The following NQO1 variants were observed in gnomAD, a reference collection of about 807,000 sequenced individuals.
NQO1 encodes the protein NAD(P)H quinone dehydrogenase 1.
A neutral mutation model predicts 32.1 loss-of-function variants in NQO1; 30 were observed. That is an observed-to-expected ratio of 0.94 (90% CI 0.70 to 1.27). The LOEUF is 1.27. NQO1 is among the 50% of genes most tolerant of loss of function. NQO1 has a pLI of 0.00. For synonymous variants in NQO1, 109 were observed against 119.7 expected (o/e 0.91, Z 0.59); for missense variants, 276 against 331.3 (o/e 0.83, Z 1.30).
Position 69,710,033 on chromosome 16 carries a change from AAAGTAG to A in NQO1, c.*937_*942del. The A allele has an allele frequency of 5.6e-6, 2 of 354,870 alleles. No individual in the cohort carries two copies. Among genetic ancestry groups the A allele is most frequent in the Non-Finnish European group, 1.0e-5 (2 of 199,124 alleles). The allele number at this position is 354,870 out of a possible 1,614,324, so 22.0% of individuals were successfully genotyped here. A position where few individuals can be genotyped will look rare whatever the true frequency, so the allele number is the denominator to read the frequency against. On this transcript the variant is annotated 3_prime_UTR_variant, in exon 6 of 6. Coordinates refer to ENST00000320623, the MANE Select transcript of NQO1 (RefSeq NM_000903.3). ...TTATTGGTTTATCTCTGCAAACCTT[AAAGTAG>A]AAGATTGCAAGGGCCAGGTGTGGTG...
At chr16:69,718,580 C>T (rs1013458911) in intron 1 of NQO1, 46 bp from the exon 2 acceptor site, 1 of 1,594,310 alleles carries the variant, frequency 6.3e-7, no homozygotes, top group African/African-American at 1.3e-5. Context: ...CATTACCAAC[C>T]AGCAAACCTT....
In NQO1 at chr16:69,710,909, G is replaced by C. The variant is rs994796572; in HGVS notation, c.*67C>G. On this transcript the variant is annotated 3_prime_UTR_variant, in exon 6 of 6. Coordinates refer to ENST00000320623, the MANE Select transcript of NQO1 (RefSeq NM_000903.3). ...ACACAAATCTTAAAAACTAAAGCAA[G>C]TCAGGGAAGCCTGGAAAGATACCCA... is the stretch of plus-strand genomic sequence containing the variant. 6.0e-6 allele frequency: 9 copies of C among 1,494,548 alleles called. No individual in the cohort carries two copies. The highest frequency in any genetic ancestry group is 7.2e-6 in the Non-Finnish European group (8 of 1,106,494). 92.6% of individuals were successfully genotyped at this position (1,494,548 alleles called of 1,614,324 possible). A position where few individuals can be genotyped will look rare whatever the true frequency, so the allele number is the denominator to read the frequency against.
chr16:69,719,105 G>A (rs916571889), intron 1 of NQO1, among the ~76,000 whole-genome samples: 2 of 151,314 alleles, frequency 1.3e-5, no homozygotes, highest in Admixed American at 6.6e-5. Context: ...TTACCCATTC[G>A]TTTACATGGG....
rs773835558 is a variant in NQO1, at chr16:69,726,487, G to A, written c.-48C>T. 1.2e-6 allele frequency: 2 copies of A among 1,600,470 alleles called. No individual in the cohort carries two copies. The highest frequency in any genetic ancestry group is 1.7e-4 in the Middle Eastern group (1 of 5,732). ...CTGATTGGCTGGGCTCGTGGTTGCC[G>A]GGGCGACCCTGGCCGGAACTAGGCT... On this transcript the variant is annotated 5_prime_UTR_variant, in exon 1 of 6. Coordinates refer to ENST00000320623, the MANE Select transcript of NQO1 (RefSeq NM_000903.3).
Position 69,711,059 on chromosome 16 carries a change from T to C in NQO1, c.742A>G (p.Lys248Glu). 1 of 1,614,230 alleles carries C rather than the reference T, an allele frequency of 6.2e-7. No homozygotes were observed. The highest frequency in any genetic ancestry group is 8.5e-7 in the Non-Finnish European group (1 of 1,180,042). ...LMKKEVQDEE[K>E]NKKFGLSVGH... is the part of the protein sequence containing the mutation. The stretch of plus-strand genomic sequence containing the variant: ...ACAGAAAGGCCAAATTTCTTGTTTT[T>C]CTCCTCATCCTGTACCTCTTTTTTC... Residue 248 changes from lysine (K) to glutamate (E), a missense_variant, in exon 6 of 6, where the codon AAA (lysine) becomes GAA (glutamate). Physicochemically the swap from Lys to Glu is moderately conservative, Grantham distance 56 (BLOSUM62 1). Coordinates refer to ENST00000320623, the MANE Select transcript of NQO1 (RefSeq NM_000903.3).
intron 1 of NQO1, among the ~76,000 whole-genome samples, chr16:69,726,156 C>T (rs956524709): frequency 4.6e-5 from 7 of 152,200 alleles, no homozygotes; most frequent in African/African-American, 1.4e-4. Flanking sequence ...TTTCTGACCA[C>T]AGTTTTGGAG....
Position 69,726,470 on chromosome 16 carries a change from C to G in NQO1, c.-31G>C, listed in dbSNP as rs568578357. 3 of 1,606,376 alleles carry G rather than the reference C, an allele frequency of 1.9e-6. No individual in the cohort carries two copies. In the South Asian group the frequency reaches 3.3e-5, roughly 18 times the overall value. ...TGGTGCAGTCCGGGGCGCTGATTGG[C>G]TGGGCTCGTGGTTGCCGGGGCGACC... On this transcript the variant is annotated 5_prime_UTR_variant, in exon 1 of 6. Transcript: ENST00000320623.
Position 69,718,235 on chromosome 16 carries a change from G to A in NQO1, c.191C>T (p.Ala64Val), listed in dbSNP as rs148846267. Residue 64 changes from alanine (A) to valine (V), a missense_variant, in exon 3 of 6, where the codon GCG becomes GTG. Coordinates refer to ENST00000320623, the MANE Select transcript of NQO1 (RefSeq NM_000903.3). ...AGACTCGGCAGGATACTGAAAGTTC[G>A]CAGGGTCCTTCAGTTTACCTGCAGA... ...KDITGKLKDP[A>V]NFQYPAESVL... 2.8e-4 allele frequency: 453 copies of A among 1,614,088 alleles called. 2 individuals are homozygous for A. The South Asian group carries it at 4.7e-3, about 17-fold the overall frequency.
In NQO1 at chr16:69,713,028, C is replaced by T; in HGVS notation, c.519G>A (p.Gln173=). Reference sequence around the variant, plus strand: ...AAGAAAAGAAAAGAAAATGAGGTACCTGAATTGGCCAGAGAATGACATTCA... The same window carrying T: ...AAGAAAAGAAAAGAAAATGAGGTACTTGAATTGGCCAGAGAATGACATTCA... ...GDMNVILWPI[Q]SGILHFCGFQ... The change falls in exon 5 of 6, where the codon CAG becomes CAA. Residue 173 remains glutamine, a splice_region_variant and synonymous_variant. Coordinates refer to ENST00000320623, the MANE Select transcript of NQO1 (RefSeq NM_000903.3). 2 of 1,611,396 alleles carry T rather than the reference C, an allele frequency of 1.2e-6. No homozygotes were observed. The highest frequency in any genetic ancestry group is 1.7e-6 in the Non-Finnish European group (2 of 1,178,206).
In NQO1 at chr16:69,713,069, C is replaced by G. The variant is rs764253929; in HGVS notation, c.478G>C (p.Gly160Arg). 5 of 1,614,136 alleles carry G rather than the reference C, an allele frequency of 3.1e-6. No homozygotes were observed. In the South Asian group the frequency reaches 3.3e-5, roughly 11 times the overall value. ...ATGACATTCATGTCCCCGTGGATCC[C>G]TTGCAGAGAGTACATGGAGCCACTG... ...GGSGSMYSLQ[G>R]IHGDMNVILW... The change falls in exon 5 of 6, where the codon GGG (glycine) becomes CGG (arginine). Residue 160 changes from glycine (G) to arginine (R), a missense_variant. Coordinates refer to ENST00000320623, the MANE Select transcript of NQO1 (RefSeq NM_000903.3).
At chr16:69,714,273 C>T (rs1178372626) in intron 4 of NQO1, among the ~76,000 whole-genome samples, 1 of 151,588 alleles carries the variant, frequency 6.6e-6, no homozygotes, top group Admixed American at 6.6e-5. Flanking sequence ...GGGTTTCAAG[C>T]AATTCTCCTG....
At chr16:69,722,945 T>C (rs1366290140) in intron 1 of NQO1, among the ~76,000 whole-genome samples, 1 of 152,242 alleles carries the variant, frequency 6.6e-6, no homozygotes, top group East Asian at 1.9e-4. Flanking sequence ...TTTGTTTTTT[T>C]GAGACAGAGT....
intron 3 of NQO1, 53 bp from the exon 4 acceptor site, chr16:69,715,130 A>T (rs1264681070): frequency 2.1e-6 from 3 of 1,437,394 alleles, no homozygotes; most frequent in Non-Finnish European, 2.9e-6. Context: ...CCAAGCCCAG[A>T]AGGTGGCTCG....
chr16:69,724,299 T>A (rs2038231941), intron 1 of NQO1, among the ~76,000 whole-genome samples: 1 of 136,636 alleles, frequency 7.3e-6, no homozygotes, highest in Non-Finnish European at 1.6e-5. Context: ...GGCAACAGAG[T>A]GAGTGAGACT....
At chr16:69,720,913 A>G (rs1267260249) in intron 1 of NQO1, among the ~76,000 whole-genome samples, 1 of 136,244 alleles carries the variant, frequency 7.3e-6, no homozygotes, top group African/African-American at 2.8e-5. Flanking sequence ...CAGGGTCTCG[A>G]TCTGTTGCCC....
chr16:69,713,247 A>G, intron 4 of NQO1, 118 bp from the exon 5 acceptor site: 1 of 766,378 alleles, frequency 1.3e-6, no homozygotes, highest in Non-Finnish European at 2.2e-6. Context: ...TGCTGTTTAT[A>G]TTACTTCATA....
At position 69,710,864 on chromosome 16, in the gene NQO1, T is replaced by C; in HGVS notation, c.*112A>G. 1 of 1,159,688 alleles carries C rather than the reference T, an allele frequency of 8.6e-7. No individual in the cohort carries two copies. The highest frequency in any genetic ancestry group is 1.2e-6 in the Non-Finnish European group (1 of 827,792). The allele number at this position is 1,159,688 out of a possible 1,614,324, so 71.8% of individuals were successfully genotyped here. A position where few individuals can be genotyped will look rare whatever the true frequency, so the allele number is the denominator to read the frequency against. On this transcript the variant is annotated 3_prime_UTR_variant, in exon 6 of 6. Transcript: ENST00000320623. ...AATACAGTCGATTCCCTCTCATTTA[T>C]TCCTTGTGGAAAAAGAAAAACACAA...
chr16:69,725,756 C>A (rs1185906639), intron 1 of NQO1, among the ~76,000 whole-genome samples: 1 of 152,230 alleles, frequency 6.6e-6, no homozygotes, highest in East Asian at 1.9e-4. Flanking sequence ...CTCCTGTAAT[C>A]CCAGCTACTC....
chr16:69,714,512 C>T (rs1022555097), intron 4 of NQO1, among the ~76,000 whole-genome samples: 2 of 151,906 alleles, frequency 1.3e-5, no homozygotes, highest in Admixed American at 1.3e-4. Context: ...CATGTCATTC[C>T]ATCTGTAAAA....
Sources: allele counts gnomAD v4.1 joint callset (sites outside exome capture counted in the v4.1 genomes callset), GRCh38; gene constraint gnomAD v4.1.1; transcripts MANE v1.5; gene names NCBI Gene and HGNC (gene_info 2026-07-23, HGNC 2026-07-21).